HUWE1: variants seen among roughly 807,000 people sequenced by gnomAD.
HUWE1 encodes the protein E3 ubiquitin-protein ligase HUWE1.
HUWE1 carries 18 observed loss-of-function variants against 299.4 expected under a neutral mutation model. The observed-to-expected ratio is 0.06, with a 90% CI of 0.04 to 0.09. The LOEUF is 0.09. Ranked by LOEUF, HUWE1 falls within the 10% of genes least tolerant of loss-of-function variation. The probability of loss-of-function intolerance (pLI) is 1.00; values close to 1 mark genes in which losing one functional copy is unlikely to be tolerated. For missense variants in HUWE1, 1,832 were observed against 3,462.3 expected (o/e 0.53, Z 11.82); for synonymous variants, 1,317 against 1,286.1 (o/e 1.02, Z -0.51).
At chrX:53,553,304 G>A (rs1053582801) in intron 61 of HUWE1, among the ~76,000 whole-genome samples, 1 of 108,726 alleles carries the variant, frequency 9.2e-6, no homozygotes, top group South Asian at 4.2e-4. Context: ...TACCACGCCC[G>A]GCCAGTTTTT....
chrX:53,618,457 T>C (rs1189752310), intron 19 of HUWE1, among the ~76,000 whole-genome samples: 1 of 111,414 alleles, frequency 9.0e-6, no homozygotes, highest in Non-Finnish European at 1.9e-5. Flanking sequence ...AAAAATATAT[T>C]CTACAAACTA....
chrX:53,639,555 C>G (rs1275516989), intron 7 of HUWE1, among the ~76,000 whole-genome samples: 4 of 111,168 alleles, frequency 3.6e-5, no homozygotes, highest in Non-Finnish European at 5.7e-5. Flanking sequence ...TGTAAGGTAT[C>G]CTGCATTTGT....
chrX:53,533,630 T>C (rs899309920), intron 83 of HUWE1: 2 of 454,462 alleles, frequency 4.4e-6, no homozygotes, highest in Non-Finnish European at 7.8e-6. Context: ...TCACTCCTCC[T>C]TAAACACCCT....
At chrX:53,684,024 G>C (rs1557054668) in intron 2 of HUWE1, 3 of 292,852 alleles carry the variant, frequency 1.0e-5, no homozygotes, top group African/African-American at 2.7e-5. Context: ...GCGATCCCGC[G>C]AGAACCTCTA....
rs1382551482 is a variant in HUWE1 at position 53,547,747 on chromosome X, G to A, written c.10562C>T (p.Thr3521Met). Residue 3521 changes from threonine to methionine, a missense_variant, in exon 68 of 84, where the codon ACG becomes ATG. Thr to Met is a moderately conservative substitution (Grantham distance 81). Transcript: ENST00000262854. ...VTSAPALVAA[T>M]AISTIVVAAS... Reference sequence around the variant, plus strand: ...AGCTACGACAATGGTGGAAATAGCCGTGGCAGCAACCAGGGCTGGAGCAGA... The same window carrying A: ...AGCTACGACAATGGTGGAAATAGCCATGGCAGCAACCAGGGCTGGAGCAGA... 9.1e-6 allele frequency: 11 copies of A among 1,205,620 alleles called. No individual in the cohort carries two copies. Among genetic ancestry groups the A allele is most frequent in the Non-Finnish European group, 1.1e-5 (10 of 891,625 alleles).
At chrX:53,642,292 T>C (rs1338144271) in intron 7 of HUWE1, among the ~76,000 whole-genome samples, 5 of 112,168 alleles carry the variant, frequency 4.5e-5, no homozygotes, top group Admixed American at 9.5e-5. Flanking sequence ...TTGCATTGTG[T>C]ACATCTTTTT....
Position 53,577,522 on chromosome X carries a change from C to CCTCTCCCTCTCT in HUWE1, c.5717-456_5717-455insAGAGAGGGAGAG, listed in dbSNP as rs1484871911. Among the ~76,000 whole-genome samples the CCTCTCCCTCTCT allele has an allele frequency of 4.5e-3, 365 of 80,737 alleles. 7 individuals are homozygous for CCTCTCCCTCTCT. In the East Asian group the frequency reaches 0.046, roughly 10 times the overall value. 70.1% of individuals were successfully genotyped at this position (80,737 alleles called of 115,157 possible). A position where few individuals can be genotyped will look rare whatever the true frequency, so the allele number is the denominator to read the frequency against. The stretch of plus-strand genomic sequence containing the variant: ...TCCTCTCCCTCTCCCTCTCCCTCTC[C>CCTCTCCCTCTCT]CTCCCTCTCCCCACGGTCTCCTTCC... On this transcript the variant is annotated intron_variant, in intron 43 of 83. Transcript: ENST00000262854.
At chrX:53,553,552 G>A (rs2061863699) in intron 61 of HUWE1, among the ~76,000 whole-genome samples, 1 of 106,052 alleles carries the variant, frequency 9.4e-6, no homozygotes, top group African/African-American at 3.4e-5. Flanking sequence ...GCTCATGCCT[G>A]TAATCCAAGC....
At chrX:53,684,290 A>C in intron 2 of HUWE1, 1 of 134,550 alleles carries the variant, frequency 7.4e-6, no homozygotes, top group Non-Finnish European at 1.5e-5. Context: ...TTTAGGAAAC[A>C]TGAGATATCG....
rs1323165330 is a variant in HUWE1, at chrX:53,559,421, G to A, written c.7848C>T (p.Ile2616=). 1.7e-6 allele frequency: 2 copies of A among 1,211,179 alleles called. No individual in the cohort carries two copies. Among genetic ancestry groups the A allele is most frequent in the Non-Finnish European group, 2.2e-6 (2 of 895,007 alleles). The change falls in exon 57 of 84, where the codon ATC becomes ATT. Residue 2616 remains isoleucine (I), a synonymous_variant. Coordinates refer to ENST00000262854, the MANE Select transcript of HUWE1 (RefSeq NM_031407.7). The stretch of plus-strand genomic sequence containing the variant: ...CCAGCAGCTCATCATCAGAACGGGC[G>A]ATGATGTGGACGTCATCGTTGCCTA... ...LLVGNDDVHI[I]ARSDDELLDD... is the part of the protein sequence containing the mutation.
At chrX:53,549,574 G>T (rs2061678371) in intron 66 of HUWE1, 69 bp from the exon 67 acceptor site, 3 of 949,419 alleles carry the variant, frequency 3.2e-6, no homozygotes, top group Admixed American at 4.8e-5. Flanking sequence ...CATAAGAATG[G>T]GGGAGGGGAA....
intron 80 of HUWE1, chrX:53,535,861 T>C (rs2061023161): frequency 2.7e-6 from 1 of 376,368 alleles, no homozygotes; most frequent in Admixed American, 4.7e-5. Context: ...TTCCCCCCAC[T>C]TACATTTGTA....
intron 55 of HUWE1, 100 bp from the exon 56 acceptor site, chrX:53,560,516 A>C: frequency 1.4e-6 from 1 of 710,747 alleles, no homozygotes; most frequent in Non-Finnish European, 2.1e-6. Context: ...CCTCACACGG[A>C]AACCTGAGCT....
At chrX:53,542,628 C>T (rs2061389895) in intron 73 of HUWE1, 89 bp from the exon 74 acceptor site, 4 of 623,915 alleles carry the variant, frequency 6.4e-6, no homozygotes, top group East Asian at 3.3e-5. Context: ...ACTTCTCATA[C>T]ATTGAGCTTG....
At chrX:53,561,631 C>T in intron 55 of HUWE1, 125 bp downstream of exon 55, 2 of 996,575 alleles carry the variant, frequency 2.0e-6, no homozygotes, top group Non-Finnish European at 2.8e-6. Flanking sequence ...TCCCTTGCCC[C>T]AGGAAGTCAG....
At chrX:53,645,709 T>C (rs1472496434) in intron 6 of HUWE1, among the ~76,000 whole-genome samples, 3 of 50,705 alleles carry the variant, frequency 5.9e-5, no homozygotes, top group Non-Finnish European at 1.0e-4. Context: ...GGAGACTCTG[T>C]CTCAAAAAAA....
At chrX:53,632,920 G>C (rs2066964764) in intron 8 of HUWE1, among the ~76,000 whole-genome samples, 1 of 112,679 alleles carries the variant, frequency 8.9e-6, no homozygotes, top group African/African-American at 3.2e-5. Context: ...TCCAAGAAAG[G>C]ATGGAGAACA....
chrX:53,673,922 GT>G (rs1249629832), intron 3 of HUWE1, among the ~76,000 whole-genome samples: 5 of 110,541 alleles, frequency 4.5e-5, no homozygotes, highest in Non-Finnish European at 7.6e-5. Context: ...GTTTGCCATG[GT>G]TTTTTTTAAA....
intron 19 of HUWE1, among the ~76,000 whole-genome samples, chrX:53,620,251 A>ATTTTTT (rs200512159): frequency 1.2e-5 from 1 of 84,331 alleles, no homozygotes. Flanking sequence ...TGGAGCTTCC[A>ATTTTTT]TTTGTCTTTT....
Sources: allele counts gnomAD v4.1 joint callset (sites outside exome capture counted in the v4.1 genomes callset), GRCh38; gene constraint gnomAD v4.1.1; transcripts MANE v1.5; gene names NCBI Gene and HGNC (gene_info 2026-07-23, HGNC 2026-07-21).